Variants in GRIP2 observed in about 807,000 individuals in gnomAD.
The protein encoded by GRIP2 is glutamate receptor interacting protein 2, also known as glutamate receptor-interacting protein 2.
In GRIP2, 58 loss-of-function variants were observed where a neutral mutation model predicts 108.3. That is an observed-to-expected ratio of 0.54 (90% CI 0.43 to 0.67). The LOEUF (loss-of-function observed/expected upper bound fraction) is 0.67. Among genes scored for constraint, GRIP2 ranks in the 30% least tolerant of loss-of-function variants. The pLI is 0.00. For missense variants in GRIP2, 1,278 were observed against 1,430.6 expected, an observed-to-expected ratio of 0.89 and a Z score of 1.72; for synonymous variants, 586 against 598.2, an observed-to-expected ratio of 0.98 and a Z score of 0.30.
chr3:14,522,781 C>G lies in GRIP2; in HGVS notation c.566+219G>C. 1 of 554,158 alleles carries G rather than the reference C, an allele frequency of 1.8e-6. No individual in the cohort carries two copies. The highest frequency in any genetic ancestry group is 3.3e-6 in the Non-Finnish European group (1 of 307,560). The allele number at this position is 554,158 out of a possible 1,614,324, so 34.3% of individuals were successfully genotyped here. A position where few individuals can be genotyped will look rare whatever the true frequency, so the allele number is the denominator to read the frequency against. On this transcript the variant is annotated intron_variant, in intron 6 of 23. Coordinates refer to ENST00000621039, the MANE Select transcript of GRIP2 (RefSeq NM_001080423.4). The surrounding 1 kb of genome is among the most constrained non-coding windows in gnomAD (Gnocchi z 4.3). The stretch of plus-strand genomic sequence containing the variant: ...TCTCCAAACACCCCAACCCCTGAGA[C>G]AGCAGTATGTTGGGGAAGAAAGGGC...
Position 14,507,439 on chromosome 3 carries a change from C to G in GRIP2, c.2218+122G>C. On this transcript the variant is annotated intron_variant, in intron 18 of 23. Transcript: ENST00000621039. The surrounding 1 kb of genome is among the most constrained non-coding windows in gnomAD (Gnocchi z 4.6). ...CTGAGTCTTATCTTCTTTGCCATCG[C>G]AGGCCCGCCTCCACAGGGCTGCAGT... The G allele has an allele frequency of 8.1e-7, 1 of 1,238,082 alleles. No homozygotes were observed. Among genetic ancestry groups the G allele is most frequent in the Non-Finnish European group, 1.1e-6 (1 of 876,772 alleles). The allele number at this position is 1,238,082 out of a possible 1,614,324, so 76.7% of individuals were successfully genotyped here.
intron 21 of GRIP2, 25 bp from the exon 22 acceptor site, chr3:14,496,585 C>T: frequency 6.3e-7 from 1 of 1,584,904 alleles, no homozygotes; most frequent in Non-Finnish European, 8.6e-7. Context: ...GCCTTTCTTT[C>T]AGATGCTTGT....
rs1575003538 is a variant in GRIP2, at chr3:14,512,492, T to A, written c.1720+285A>T. Among the ~76,000 whole-genome samples, 1 of 142,376 alleles carries A rather than the reference T, an allele frequency of 7.0e-6. No homozygotes were observed. The highest frequency in any genetic ancestry group is 1.5e-5 in the Non-Finnish European group (1 of 67,748). The allele number at this position is 142,376 out of a possible 152,430, so 93.4% of individuals were successfully genotyped here. A position where few individuals can be genotyped will look rare whatever the true frequency, so the allele number is the denominator to read the frequency against. ...AAACCCAGCCTAAATATTTGTCACC[T>A]TCCAATGCTCTCTCACCATGGGCAC... On this transcript the variant is annotated intron_variant, in intron 14 of 23. Transcript: ENST00000621039. The surrounding 1 kb of genome is among the most constrained non-coding windows in gnomAD (Gnocchi z 5.1).
At position 14,494,826 on chromosome 3, in the gene GRIP2, C is replaced by A. The variant is rs1331548913; in HGVS notation, c.2970+17G>T. 1.2e-6 allele frequency: 2 copies of A among 1,607,028 alleles called. No homozygotes were observed. The highest frequency in any genetic ancestry group is 2.7e-5 in the African/African-American group (2 of 74,716). ...AACAATGCCACCCCCACTATGGAGC[C>A]CCTGCCCCAGCATTACCTGCAGGAC... On this transcript the variant is annotated intron_variant, in intron 23 of 23. Transcript: ENST00000621039.
intron 17 of GRIP2, among the ~76,000 whole-genome samples, chr3:14,508,594 C>G (rs926118288): frequency 6.6e-6 from 1 of 151,952 alleles, no homozygotes; most frequent in Non-Finnish European, 1.5e-5. Flanking sequence ...GGATAGTGAG[C>G]GAGTCAGGGA....
the GRIP2 span, among the ~76,000 whole-genome samples, chr3:14,588,630 T>C: frequency 6.6e-6 from 1 of 152,142 alleles, no homozygotes; most frequent in Non-Finnish European, 1.5e-5. Context: ...CACAAACCCC[T>C]GGATATAAAT....
intron 7 of GRIP2, 122 bp from the exon 8 acceptor site, chr3:14,520,659 A>T: frequency 1.1e-6 from 1 of 938,684 alleles, no homozygotes; most frequent in Non-Finnish European, 1.6e-6. Flanking sequence ...CATTTGATTA[A>T]CATAATTTTT....
chr3:14,496,516 G>C lies in GRIP2; in HGVS notation c.2724C>G (p.Gly908=). ...TCTGCCAAGGCCGGTGGCCAGGCCT[G>C]CCCTCGAGGGCCACCCTCTGCACGG... ...TGTVQRVALE[G]RPGHRPWQRG... is the part of the protein sequence containing the mutation. Residue 908 remains glycine, a synonymous_variant, in exon 22 of 24, where the codon GGC becomes GGG. Coordinates refer to ENST00000621039, the MANE Select transcript of GRIP2 (RefSeq NM_001080423.4). 6.2e-7 allele frequency: 1 copy of C among 1,612,818 alleles called. No homozygotes were observed. Among genetic ancestry groups the C allele is most frequent in the Non-Finnish European group, 8.5e-7 (1 of 1,179,496 alleles).
At chr3:14,594,504 G>T in the GRIP2 span, among the ~76,000 whole-genome samples, 1 of 152,194 alleles carries the variant, frequency 6.6e-6, no homozygotes, top group African/African-American at 2.4e-5. Flanking sequence ...GGCCTGTCTG[G>T]AGAGTCCCAG....
At chr3:14,571,696 G>A in the GRIP2 span, among the ~76,000 whole-genome samples, 1 of 152,184 alleles carries the variant, frequency 6.6e-6, no homozygotes, top group African/African-American at 2.4e-5. Context: ...GGGAACATGA[G>A]GGAGTACAGC....
At chr3:14,494,112 C>CA (rs1693502416) in intron 23 of GRIP2, among the ~76,000 whole-genome samples, 1 of 152,262 alleles carries the variant, frequency 6.6e-6, no homozygotes, top group African/African-American at 2.4e-5. Flanking sequence ...ACCACACACT[C>CA]AGAGAGCCTC....
chr3:14,525,832 A>G lies in GRIP2; in HGVS notation c.121+19T>C. ...TGCCTCCAGGGCAGAAAAAGAGGGA[A>G]TGAGGGAAGCCTCATTACCTGGAAT... On this transcript the variant is annotated intron_variant, in intron 2 of 23. Transcript: ENST00000621039. 10 of 1,553,442 alleles carry G rather than the reference A, an allele frequency of 6.4e-6. No individual in the cohort carries two copies. Among genetic ancestry groups the G allele is most frequent in the Non-Finnish European group, 7.8e-6 (9 of 1,148,128 alleles).
chr3:14,523,782 C>T, intron 4 of GRIP2, 84 bp from the exon 5 acceptor site: 3 of 897,578 alleles, frequency 3.3e-6, no homozygotes, highest in Non-Finnish European at 5.4e-6. Flanking sequence ...TCCAGGAGGA[C>T]TGGGTGATCA....
chr3:14,538,560 C>G (rs1413646745), intron 1 of GRIP2, among the ~76,000 whole-genome samples: 1 of 152,180 alleles, frequency 6.6e-6, no homozygotes, highest in Non-Finnish European at 1.5e-5. Context: ...TCCCACTGTG[C>G]CTGAAGCTCC....
At chr3:14,600,633 G>A in the GRIP2 span, among the ~76,000 whole-genome samples, 11 of 152,158 alleles carry the variant, frequency 7.2e-5, no homozygotes, top group Admixed American at 6.5e-4. Flanking sequence ...TCACTCCTGG[G>A]CCTGGCTGAC....
chr3:14,526,765 T>C (rs1228428760), intron 1 of GRIP2, among the ~76,000 whole-genome samples: 1 of 152,200 alleles, frequency 6.6e-6, no homozygotes, highest in Admixed American at 6.5e-5. Context: ...GAAATCTGTC[T>C]TTTTTGCTTC....
the GRIP2 span, among the ~76,000 whole-genome samples, chr3:14,569,518 G>A: frequency 3.9e-5 from 6 of 152,214 alleles, no homozygotes; most frequent in Admixed American, 1.3e-4. Flanking sequence ...GCTGGGCCAC[G>A]CATTAAAGTT....
intron 20 of GRIP2, 42 bp from the exon 21 acceptor site, chr3:14,503,713 G>T: frequency 8.0e-7 from 1 of 1,257,756 alleles, no homozygotes; most frequent in South Asian, 1.4e-5. Flanking sequence ...CTGGCAGGCG[G>T]GTGGGCGGGC....
Position 14,505,747 on chromosome 3 carries a change from T to C in GRIP2, c.2441A>G (p.Gln814Arg). 4 of 1,578,456 alleles carry C rather than the reference T, an allele frequency of 2.5e-6. No homozygotes were observed. The highest frequency in any genetic ancestry group is 3.4e-6 in the Non-Finnish European group (4 of 1,162,046). The change falls in exon 20 of 24, where the codon CAG (glutamine) becomes CGG (arginine). Residue 814 changes from glutamine (Q) to arginine (R), a missense_variant. Gln to Arg is a conservative substitution (Grantham distance 43). Transcript: ENST00000621039. The surrounding 1 kb of genome is among the most constrained non-coding windows in gnomAD (Gnocchi z 4.2). The stretch of plus-strand genomic sequence containing the variant: ...CCTCAGCCAGCCAGGCCTCCGCTCC[T>C]GGGGGGTCGTGCCCCGGGCTGCTGC... ...PQAAARGTTP[Q>R]ERRPGWLRGS...
Sources: allele counts gnomAD v4.1 joint callset (sites outside exome capture counted in the v4.1 genomes callset), GRCh38; gene constraint gnomAD v4.1.1; non-coding constraint Gnocchi (gnomAD v3.1); transcripts MANE v1.5; gene names NCBI Gene and HGNC (gene_info 2026-07-23, HGNC 2026-07-21).